The following NCAM2 variants were observed in gnomAD, a reference collection of about 807,000 sequenced individuals.
The protein encoded by NCAM2 is N-CAM-2.
NCAM2 carries 30 observed loss-of-function variants against 98.1 expected under a neutral mutation model. The ratio of observed to expected loss-of-function variants is 0.31; its 90% CI spans 0.23 to 0.41. The LOEUF (loss-of-function observed/expected upper bound fraction) is 0.41, where lower values mean the gene tolerates loss of function less well. NCAM2 is among the 10% of genes least tolerant of loss of function. The probability of loss-of-function intolerance (pLI) is 1.00; values close to 1 mark genes in which losing one functional copy is unlikely to be tolerated. For synonymous variants in NCAM2, 368 were observed against 342.4 expected (o/e 1.07, Z -0.83); for missense variants, 867 against 1,005.8 (o/e 0.86, Z 1.87).
At chr21:21,082,229 A>ATTTT (rs1569003064) in intron 1 of NCAM2, among the ~76,000 whole-genome samples, 54 of 150,204 alleles carry the variant, frequency 3.6e-4, no homozygotes, top group African/African-American at 1.3e-3. Context: ...ATCCTTTAAA[A>ATTTT]AAAAAAAAAA....
rs76030454 is a variant in NCAM2, at chr21:21,359,807, G to A, written c.1045-14056G>A. ...TATAAAATCGTATCACTATAAAGAA[G>A]TCTAAATATATCAGTGAATATTAAT... On this transcript the variant is annotated intron_variant, in intron 8 of 17. Coordinates refer to ENST00000400546, the MANE Select transcript of NCAM2 (RefSeq NM_004540.5). Among the ~76,000 whole-genome samples the A allele has an allele frequency of 5.7e-3, 873 of 151,948 alleles. 10 individuals are homozygous for A. The highest frequency in any genetic ancestry group is 0.02 in the African/African-American group (836 of 41,520).
chr21:21,016,680 C>G (rs2064316190), intron 1 of NCAM2, among the ~76,000 whole-genome samples: 1 of 151,410 alleles, frequency 6.6e-6, no homozygotes, highest in Admixed American at 6.6e-5. Context: ...TGGGCACTTT[C>G]CAAAAAAAAA....
At chr21:21,435,853 TG>T (rs1978311127) in intron 12 of NCAM2, among the ~76,000 whole-genome samples, 1 of 152,174 alleles carries the variant, frequency 6.6e-6, no homozygotes, top group Admixed American at 6.5e-5. Context: ...AATCATGTTT[TG>T]GGGAAAACCA....
At chr21:21,216,225 C>T (rs187576011) in intron 1 of NCAM2, among the ~76,000 whole-genome samples, 130 of 152,164 alleles carry the variant, frequency 8.5e-4, no homozygotes, top group African/African-American at 3.1e-3. Flanking sequence ...TTAGCTGGCA[C>T]GAGGAGTCTC....
At chr21:21,110,432 G>A (rs1224178009) in intron 1 of NCAM2, among the ~76,000 whole-genome samples, 1 of 151,890 alleles carries the variant, frequency 6.6e-6, no homozygotes, top group Non-Finnish European at 1.5e-5. Context: ...GGGTCACTGA[G>A]CACTAAAGGC....
At chr21:21,265,183 ATAAT>A (rs2072175602) in intron 1 of NCAM2, among the ~76,000 whole-genome samples, 1 of 123,468 alleles carries the variant, frequency 8.1e-6, no homozygotes, top group Non-Finnish European at 1.6e-5. Context: ...ATATGTATAT[ATAAT>A]ATATGTGTGT....
chr21:21,470,063 A>T (rs567133992), intron 14 of NCAM2, among the ~76,000 whole-genome samples: 1 of 152,166 alleles, frequency 6.6e-6, no homozygotes, highest in African/African-American at 2.4e-5. Flanking sequence ...ATTCTAATAC[A>T]ATCCCACAGT....
At chr21:21,214,829 T>C (rs1337100344) in intron 1 of NCAM2, among the ~76,000 whole-genome samples, 1 of 148,804 alleles carries the variant, frequency 6.7e-6, no homozygotes, top group African/African-American at 2.5e-5. Context: ...TATATGTATA[T>C]ATATGTGTAT....
intron 1 of NCAM2, among the ~76,000 whole-genome samples, chr21:21,135,505 G>A (rs1163326554): frequency 1.3e-5 from 2 of 152,174 alleles, no homozygotes; most frequent in Non-Finnish European, 2.9e-5. Flanking sequence ...AACAGTGAAT[G>A]TGACAGTCTT....
At chr21:21,304,442 G>A (rs187467505) in intron 5 of NCAM2, among the ~76,000 whole-genome samples, 2 of 151,818 alleles carry the variant, frequency 1.3e-5, no homozygotes, top group Admixed American at 6.6e-5. Flanking sequence ...ATGTGTTTTA[G>A]GGAATCTATT....
rs139679322 is a variant in NCAM2 at position 21,496,969 on chromosome 21, A to G, written c.2078-11882A>G. 1.8e-3 allele frequency among the ~76,000 whole-genome samples: 273 copies of G among 152,200 alleles called. 2 individuals are homozygous for G. The highest frequency in any genetic ancestry group is 6.3e-3 in the African/African-American group (262 of 41,536). On this transcript the variant is annotated intron_variant, in intron 15 of 17. Coordinates refer to ENST00000400546, the MANE Select transcript of NCAM2 (RefSeq NM_004540.5). ...CTAAGAGCATTCAAGCCAGGTGCCTATCAGTGGTAGATTGTATAAAGAAAA... is the reference window on the plus strand; with the variant it reads ...CTAAGAGCATTCAAGCCAGGTGCCTGTCAGTGGTAGATTGTATAAAGAAAA...
chr21:21,225,814 A>T (rs897510742), intron 1 of NCAM2, among the ~76,000 whole-genome samples: 1 of 152,060 alleles, frequency 6.6e-6, no homozygotes, highest in African/African-American at 2.4e-5. Flanking sequence ...TAATGAACAT[A>T]CTTATCTATT....
At chr21:21,197,153 A>G (rs1464690514) in intron 1 of NCAM2, among the ~76,000 whole-genome samples, 1 of 152,134 alleles carries the variant, frequency 6.6e-6, no homozygotes, top group Non-Finnish European at 1.5e-5. Flanking sequence ...TTTTTGAGAC[A>G]GAGTCTCACT....
intron 9 of NCAM2, among the ~76,000 whole-genome samples, chr21:21,397,841 G>A (rs1315362013): frequency 6.6e-6 from 1 of 152,186 alleles, no homozygotes; most frequent in Non-Finnish European, 1.5e-5. Context: ...TGCTCCAGAT[G>A]GGCTGCCACT....
rs141068915 is a variant in NCAM2 at position 21,295,623 on chromosome 21, G to A, written c.619+3382G>A. Among the ~76,000 whole-genome samples, 23 of 151,500 alleles carry A rather than the reference G, an allele frequency of 1.5e-4. No homozygotes were observed. In the East Asian group the frequency reaches 2.0e-3, roughly 13 times the overall value. Reference sequence around the variant, plus strand: ...CTTTTTCTCTTGTTTTTTTCCTTCCGCCATGAAAAGAGCATGACCCAAATA... The same window carrying A: ...CTTTTTCTCTTGTTTTTTTCCTTCCACCATGAAAAGAGCATGACCCAAATA... On this transcript the variant is annotated intron_variant, in intron 5 of 17. Coordinates refer to ENST00000400546, the MANE Select transcript of NCAM2 (RefSeq NM_004540.5).
intron 6 of NCAM2, among the ~76,000 whole-genome samples, chr21:21,335,109 C>T (rs117615521): frequency 0.018 from 2,690 of 151,754 alleles, 77 homozygotes; most frequent in East Asian, 0.14. Context: ...TAAATGTGTC[C>T]CAAGAGGGGA....
At chr21:21,348,283 A>G (rs1228054339) in intron 8 of NCAM2, among the ~76,000 whole-genome samples, 1 of 152,164 alleles carries the variant, frequency 6.6e-6, no homozygotes, top group East Asian at 1.9e-4. Flanking sequence ...AAATCAACAT[A>G]CAAAAATCAG....
rs547529507 is a variant in NCAM2 at position 21,288,818 on chromosome 21, T to C, written c.481+2406T>C. Among the ~76,000 whole-genome samples, 3 of 152,062 alleles carry C rather than the reference T, an allele frequency of 2.0e-5. No homozygotes were observed. The East Asian group carries it at 5.8e-4, about 29-fold the overall frequency. On this transcript the variant is annotated intron_variant, in intron 4 of 17. Coordinates refer to ENST00000400546, the MANE Select transcript of NCAM2 (RefSeq NM_004540.5). ...CATAATCTGATTCAAAAGTAAAATA[T>C]AGATATTCCAGAGGAAATAATGAAA...
chr21:21,167,105 A>ATT (rs1222884043), intron 1 of NCAM2, among the ~76,000 whole-genome samples: 1 of 151,722 alleles, frequency 6.6e-6, no homozygotes, highest in South Asian at 2.1e-4. Context: ...GGCTTTCTAG[A>ATT]TTTTTTTAGT....
Sources: gnomAD v4.1 joint callset for allele counts (sites outside exome capture counted in the v4.1 genomes callset) on GRCh38, gnomAD v4.1.1 for gene constraint, MANE v1.5 for transcripts, NCBI Gene and HGNC (gene_info 2026-07-23, HGNC 2026-07-21) for gene names.